The following ATXN1 variants were observed in gnomAD, a reference collection of about 807,000 sequenced individuals.
ATXN1 encodes the protein ataxin 1.
A neutral mutation model predicts 56.4 loss-of-function variants in ATXN1; 8 were observed. That is an observed-to-expected ratio of 0.14 (90% confidence interval 0.08 to 0.26). The LOEUF is 0.26. Ranked by LOEUF, ATXN1 falls within the 10% of genes least tolerant of loss-of-function variation. The pLI, the probability that ATXN1 is intolerant of heterozygous loss-of-function variation, is 1.00. For missense variants in ATXN1, 987 were observed against 1,106.5 expected (o/e 0.89, Z 1.53); for synonymous variants, 514 against 494.6 (o/e 1.04, Z -0.52).
chr6:16,717,695 T>G (rs1353742595), intron 2 of ATXN1, among the ~76,000 whole-genome samples: 1 of 152,212 alleles, frequency 6.6e-6, no homozygotes, highest in Admixed American at 6.5e-5. Flanking sequence ...TCTGAGGATA[T>G]GCTGGCATCA....
chr6:16,740,686 T>C (rs548617191), intron 2 of ATXN1, among the ~76,000 whole-genome samples: 14 of 152,226 alleles, frequency 9.2e-5, no homozygotes, highest in African/African-American at 3.1e-4. Context: ...ATCTAACATA[T>C]AATTTTTTAT....
intron 6 of ATXN1, among the ~76,000 whole-genome samples, chr6:16,400,131 C>T (rs1041524447): frequency 6.6e-6 from 1 of 152,222 alleles, no homozygotes; most frequent in Non-Finnish European, 1.5e-5. Context: ...AAGCACCAGA[C>T]AGACCTCTCT....
rs1230776571 is a variant in ATXN1, at chr6:16,678,984, C to T, written c.-614-21083G>A. Among the ~76,000 whole-genome samples the T allele has an allele frequency of 6.0e-5, 9 of 150,780 alleles. No individual in the cohort carries two copies. The South Asian group carries it at 1.0e-3, about 18-fold the overall frequency. On this transcript the variant is annotated intron_variant, in intron 2 of 7. Coordinates refer to ENST00000436367, the MANE Select transcript of ATXN1 (RefSeq NM_001128164.2). Reference sequence around the variant, plus strand: ...TCGAGAGACAGAGGTTGCGGTAAGCCGAGATCACGCCACTGCACCCCAGCC... The same window carrying T: ...TCGAGAGACAGAGGTTGCGGTAAGCTGAGATCACGCCACTGCACCCCAGCC...
intron 2 of ATXN1, among the ~76,000 whole-genome samples, chr6:16,743,470 A>G (rs1156966150): frequency 1.3e-5 from 2 of 152,202 alleles, no homozygotes; most frequent in Non-Finnish European, 2.9e-5. Context: ...ACACACCACA[A>G]TTATATACAT....
intron 6 of ATXN1, among the ~76,000 whole-genome samples, chr6:16,398,495 C>T (rs1477957367): frequency 1.3e-5 from 2 of 151,724 alleles, no homozygotes; most frequent in Non-Finnish European, 2.9e-5. Flanking sequence ...CACACACACA[C>T]ATTTCATGAG....
intron 3 of ATXN1, among the ~76,000 whole-genome samples, chr6:16,644,921 C>T (rs1193765420): frequency 3.9e-5 from 6 of 152,152 alleles, no homozygotes; most frequent in Admixed American, 6.5e-5. Context: ...AGACTCTTAA[C>T]GGTAGATCAT....
chr6:16,389,831 G>C (rs1758316122), intron 6 of ATXN1, among the ~76,000 whole-genome samples: 1 of 152,154 alleles, frequency 6.6e-6, no homozygotes, highest in Non-Finnish European at 1.5e-5. Context: ...ACAACTAAAT[G>C]CTTAACCTGT....
intron 6 of ATXN1, among the ~76,000 whole-genome samples, chr6:16,334,216 G>A (rs1444735241): frequency 1.3e-5 from 2 of 152,136 alleles, no homozygotes; most frequent in East Asian, 1.9e-4. Flanking sequence ...TTAAGAAGCC[G>A]GAAGTGATGG....
chr6:16,494,540 A>G (rs1760734856), intron 5 of ATXN1, among the ~76,000 whole-genome samples: 1 of 152,212 alleles, frequency 6.6e-6, no homozygotes, highest in South Asian at 2.1e-4. Flanking sequence ...TATCATTAGC[A>G]TGGCTTATCA....
chr6:16,681,131 C>T (rs1468792917), intron 2 of ATXN1, among the ~76,000 whole-genome samples: 1 of 152,206 alleles, frequency 6.6e-6, no homozygotes, highest in African/African-American at 2.4e-5. Context: ...TGGGACAGTG[C>T]TCCAGTAGAC....
At chr6:16,557,861 T>C (rs76863681) in intron 4 of ATXN1, among the ~76,000 whole-genome samples, 6 of 152,234 alleles carry the variant, frequency 3.9e-5, no homozygotes, top group Admixed American at 6.5e-5. Flanking sequence ...AATGAAAGCA[T>C]AAAAATATGA....
intron 1 of ATXN1, among the ~76,000 whole-genome samples, chr6:16,759,653 A>C (rs1322036399): frequency 6.6e-6 from 1 of 151,246 alleles, no homozygotes; most frequent in Non-Finnish European, 1.5e-5. Flanking sequence ...AACAAAACAG[A>C]GCAGCCACGG....
intron 5 of ATXN1, among the ~76,000 whole-genome samples, chr6:16,518,475 C>A (rs999692462): frequency 1.3e-5 from 2 of 152,290 alleles, no homozygotes; most frequent in Admixed American, 1.3e-4. Context: ...GGCCTGCGAC[C>A]AGGCTAGACT....
intron 6 of ATXN1, among the ~76,000 whole-genome samples, chr6:16,429,471 G>GC (rs1759233706): frequency 7.0e-6 from 1 of 141,904 alleles, no homozygotes. Context: ...AGGCTGGAGT[G>GC]CAGTGGTACG....
At chr6:16,639,298 G>T (rs1056510195) in intron 3 of ATXN1, among the ~76,000 whole-genome samples, 25 of 152,148 alleles carry the variant, frequency 1.6e-4, no homozygotes, top group African/African-American at 4.3e-4. Flanking sequence ...TTTAAGAGCT[G>T]TAACACTCAC....
intron 3 of ATXN1, among the ~76,000 whole-genome samples, chr6:16,624,695 A>T (rs986111228): frequency 6.6e-6 from 1 of 152,162 alleles, no homozygotes; most frequent in Admixed American, 6.5e-5. Context: ...TGTGGGTGAG[A>T]ATATAAAAAA....
At chr6:16,584,271 C>CACACAT (rs770282172) in intron 4 of ATXN1, among the ~76,000 whole-genome samples, 11,920 of 139,840 alleles carry the variant, frequency 0.085, 1,133 homozygotes, top group African/African-American at 0.23. Flanking sequence ...CACACACACA[C>CACACAT]ATATACACAT....
At chr6:16,421,911 G>A (rs751422706) in intron 6 of ATXN1, among the ~76,000 whole-genome samples, 1 of 152,212 alleles carries the variant, frequency 6.6e-6, no homozygotes, top group Non-Finnish European at 1.5e-5. Flanking sequence ...GTTTAGCCAC[G>A]ACTGGCAGCC....
At chr6:16,389,318 C>T (rs9477115) in intron 6 of ATXN1, among the ~76,000 whole-genome samples, 20,033 of 143,172 alleles carry the variant, frequency 0.14, 1,607 homozygotes, top group African/African-American at 0.22. Flanking sequence ...GCCTGAGTGA[C>T]AGAGCGAGAC....
Sources: gnomAD v4.1 joint callset for allele counts (sites outside exome capture counted in the v4.1 genomes callset) on GRCh38, gnomAD v4.1.1 for gene constraint, MANE v1.5 for transcripts, NCBI Gene and HGNC (gene_info 2026-07-23, HGNC 2026-07-21) for gene names.